The following ARHGAP15 variants were observed in gnomAD, a reference collection of about 807,000 sequenced individuals.
ARHGAP15 encodes rho GTPase-activating protein 15.
ARHGAP15 carries 51 observed loss-of-function variants against 63.7 expected under a neutral mutation model. The ratio of observed to expected loss-of-function variants is 0.80; its 90% CI spans 0.64 to 1.01. ARHGAP15 has a LOEUF of 1.01. Ranked by LOEUF, ARHGAP15 falls within the 50% of genes least tolerant of loss-of-function variation. The pLI is 0.00. For missense variants in ARHGAP15, 560 were observed against 564.6 expected (o/e 0.99, Z 0.08); for synonymous variants, 191 against 193.8 (o/e 0.99, Z 0.12).
chr2:143,601,390 C>T (rs951618976), intron 11 of ARHGAP15: 1 of 152,058 alleles, frequency 6.6e-6, no homozygotes, highest in Admixed American at 6.6e-5. Context: ...AAGCTAAATG[C>T]TTTATTTTGA....
At chr2:143,308,935 CA>C (rs35757623) in intron 6 of ARHGAP15, among the ~76,000 whole-genome samples, 5,348 of 107,238 alleles carry the variant, frequency 0.05, 132 homozygotes, top group Admixed American at 0.18. Context: ...TCCTGGCAGC[CA>C]AAAAAAAAAA....
At chr2:143,704,531 T>C (rs369828668) in intron 13 of ARHGAP15, among the ~76,000 whole-genome samples, 3 of 152,174 alleles carry the variant, frequency 2.0e-5, no homozygotes, top group African/African-American at 7.2e-5. Context: ...TGGGTAAAAC[T>C]GCAGAGAGGA....
intron 12 of ARHGAP15, among the ~76,000 whole-genome samples, chr2:143,637,820 C>A (rs1680398533): frequency 6.6e-6 from 1 of 151,620 alleles, no homozygotes; most frequent in Non-Finnish European, 1.5e-5. Context: ...AACAAACAAC[C>A]CCATCAAAAA....
chr2:143,470,611 ATGTGTATATATATACATATG>A (rs1691473839), intron 8 of ARHGAP15, among the ~76,000 whole-genome samples: 1 of 146,226 alleles, frequency 6.8e-6, no homozygotes, highest in Non-Finnish European at 1.5e-5. Flanking sequence ...GTGTGTATAT[ATGTGTATATATATACATATG>A]TGTGTATATA....
intron 6 of ARHGAP15, among the ~76,000 whole-genome samples, chr2:143,260,392 T>C (rs1382301862): frequency 1.4e-4 from 22 of 152,128 alleles, no homozygotes; most frequent in Non-Finnish European, 4.4e-5. Context: ...ACCCTTTAAA[T>C]GGCTATTTAT....
intron 6 of ARHGAP15, among the ~76,000 whole-genome samples, chr2:143,338,690 A>G (rs1161674726): frequency 1.3e-5 from 2 of 152,148 alleles, no homozygotes; most frequent in African/African-American, 2.4e-5. Flanking sequence ...GGTAAAATCA[A>G]CCAAACCAAA....
At position 143,630,408 on chromosome 2, in the gene ARHGAP15, T is replaced by A. The variant is rs989151241; in HGVS notation, c.1138+6141T>A. ...TATTTACTTGATCAAATTACAATAT[T>A]CAACAAACAAAATCTTACAGAAGAA... On this transcript the variant is annotated intron_variant, in intron 12 of 13. Coordinates refer to ENST00000295095, the MANE Select transcript of ARHGAP15 (RefSeq NM_018460.4). 1.1e-3 allele frequency among the ~76,000 whole-genome samples: 164 copies of A among 152,118 alleles called. 4 individuals are homozygous for A. The highest frequency in any genetic ancestry group is 0.011 in the Admixed American group (164 of 15,252).
chr2:143,663,119 T>C (rs2105328583), intron 12 of ARHGAP15, among the ~76,000 whole-genome samples: 1 of 111,514 alleles, frequency 9.0e-6, no homozygotes, highest in Non-Finnish European at 1.9e-5. Context: ...ATTGTCAGAT[T>C]CACCAAAGTT....
intron 13 of ARHGAP15, among the ~76,000 whole-genome samples, chr2:143,706,768 A>G (rs1684347801): frequency 6.6e-6 from 1 of 152,162 alleles, no homozygotes. Flanking sequence ...AGGAATTCGG[A>G]ATAAGCTATC....
At chr2:143,436,459 C>T (rs1490770048) in intron 7 of ARHGAP15, among the ~76,000 whole-genome samples, 2 of 152,118 alleles carry the variant, frequency 1.3e-5, no homozygotes, top group South Asian at 4.1e-4. Flanking sequence ...TTAGTATATT[C>T]CCCTTAAAGG....
chr2:143,556,649 T>C lies in ARHGAP15; in HGVS notation c.1003+164T>C, dbSNP rs1695812216. On this transcript the variant is annotated intron_variant, in intron 11 of 13. Transcript: ENST00000295095. ...AGAAAAGTAAAAGATAACCAACTAG[T>C]TTATCTAGAAAAGAATAGCATATAC... Among the ~76,000 whole-genome samples, 3 of 151,986 alleles carry C rather than the reference T, an allele frequency of 2.0e-5. No individual in the cohort carries two copies. In the South Asian group the frequency reaches 6.2e-4, roughly 32 times the overall value.
intron 9 of ARHGAP15, among the ~76,000 whole-genome samples, chr2:143,515,352 T>C (rs1296969254): frequency 6.6e-6 from 1 of 152,192 alleles, no homozygotes; most frequent in Non-Finnish European, 1.5e-5. Flanking sequence ...ATGACTTCTT[T>C]CATATGAAAA....
chr2:143,572,112 G>A (rs934350400), intron 11 of ARHGAP15: 3 of 152,230 alleles, frequency 2.0e-5, no homozygotes, highest in African/African-American at 7.2e-5. Flanking sequence ...TGGAGACTGA[G>A]CTATTTTTCA....
intron 6 of ARHGAP15, among the ~76,000 whole-genome samples, chr2:143,316,540 T>C (rs1174338591): frequency 6.8e-6 from 1 of 147,704 alleles, no homozygotes; most frequent in Non-Finnish European, 1.5e-5. Flanking sequence ...ATATAACATA[T>C]ATTAAAATAT....
chr2:143,205,353 A>G (rs1692292053), intron 3 of ARHGAP15, among the ~76,000 whole-genome samples: 1 of 151,842 alleles, frequency 6.6e-6, no homozygotes, highest in Admixed American at 6.6e-5. Flanking sequence ...AATTTACTCT[A>G]TAGACCTTAC....
chr2:143,682,464 GC>G (rs1683143798), intron 12 of ARHGAP15, among the ~76,000 whole-genome samples: 1 of 152,042 alleles, frequency 6.6e-6, no homozygotes, highest in South Asian at 2.1e-4. Flanking sequence ...ATGTGAAAAT[GC>G]AAAAACATGA....
intron 13 of ARHGAP15, among the ~76,000 whole-genome samples, chr2:143,716,103 A>G (rs1684799596): frequency 1.3e-5 from 2 of 152,196 alleles, no homozygotes; most frequent in Admixed American, 1.3e-4. Flanking sequence ...AGATCTGTGC[A>G]GCAAACCACC....
At chr2:143,270,867 A>G (rs1027737716) in intron 6 of ARHGAP15, among the ~76,000 whole-genome samples, 1 of 152,192 alleles carries the variant, frequency 6.6e-6, no homozygotes, top group Non-Finnish European at 1.5e-5. Context: ...CATTCAGAAA[A>G]TGTTAGAAAA....
chr2:143,272,263 A>G (rs1681323660), intron 6 of ARHGAP15, among the ~76,000 whole-genome samples: 2 of 152,192 alleles, frequency 1.3e-5, no homozygotes, highest in South Asian at 4.1e-4. Context: ...GAGGAGAGCT[A>G]ACAAGGGCTT....
Sources: allele counts gnomAD v4.1 joint callset (sites outside exome capture counted in the v4.1 genomes callset), GRCh38; gene constraint gnomAD v4.1.1; transcripts MANE v1.5; gene names NCBI Gene and HGNC (gene_info 2026-07-23, HGNC 2026-07-21).